The following CYSLTR1 variants were observed in gnomAD, a reference collection of about 807,000 sequenced individuals.
The protein encoded by CYSLTR1 is cysteinyl leukotriene receptor 1, also known as G-protein coupled receptor HG55.
A neutral mutation model predicts 2.1 loss-of-function variants in CYSLTR1; 1 was observed. That is an observed-to-expected ratio of 0.48 (90% CI 0.17 to 2.28). The LOEUF is 2.28. CYSLTR1 is among the 30% of genes most tolerant of loss of function. The pLI is 0.26. For missense variants in CYSLTR1, 299 were observed against 250.1 expected, an observed-to-expected ratio of 1.20 and a Z score of -1.32; for synonymous variants, 110 against 89.6, an observed-to-expected ratio of 1.23 and a Z score of -1.28.
chrX:78,292,521 C>G (rs1399910121), intron 1 of CYSLTR1, among the ~76,000 whole-genome samples: 2 of 111,570 alleles, frequency 1.8e-5, no homozygotes, highest in African/African-American at 6.5e-5. Flanking sequence ...CCTGGATATC[C>G]TTGTTAACAT....
At chrX:78,313,090 A>G (rs766027157) in intron 1 of CYSLTR1, among the ~76,000 whole-genome samples, 1 of 112,496 alleles carries the variant, frequency 8.9e-6, no homozygotes, top group East Asian at 2.8e-4. Context: ...GACTGGTTAA[A>G]GAAAATGTGG....
chrX:78,275,572 G>A (rs1921548608), intron 2 of CYSLTR1, among the ~76,000 whole-genome samples: 1 of 99,334 alleles, frequency 1.0e-5, no homozygotes. Flanking sequence ...CACACACCGG[G>A]GCCTGTCATG....
chrX:78,298,195 CTGT>C (rs970880666), intron 1 of CYSLTR1, among the ~76,000 whole-genome samples: 4 of 111,204 alleles, frequency 3.6e-5, no homozygotes, highest in Admixed American at 9.6e-5. Flanking sequence ...AAAATTCCTC[CTGT>C]TATTAATGTC....
At chrX:78,285,571 G>A (rs1264971627) in intron 1 of CYSLTR1, among the ~76,000 whole-genome samples, 3 of 112,072 alleles carry the variant, frequency 2.7e-5, no homozygotes, top group Non-Finnish European at 5.6e-5. Context: ...GAAAGTTTAT[G>A]AATTTCTAAG....
intron 2 of CYSLTR1, among the ~76,000 whole-genome samples, chrX:78,282,371 A>G (rs950429423): frequency 8.9e-6 from 1 of 112,424 alleles, no homozygotes; most frequent in Admixed American, 9.5e-5. Context: ...GGCCTAGCAC[A>G]TATGTATCTT....
At chrX:78,320,198 G>A (rs1923586214) in intron 1 of CYSLTR1, 1 of 111,981 alleles carries the variant, frequency 8.9e-6, no homozygotes, top group Non-Finnish European at 1.9e-5. Context: ...CCTATGTCCT[G>A]AATGGTATTG....
At chrX:78,276,339 T>C (rs943847232) in intron 2 of CYSLTR1, among the ~76,000 whole-genome samples, 3 of 111,617 alleles carry the variant, frequency 2.7e-5, no homozygotes, top group African/African-American at 6.5e-5. Flanking sequence ...ATGTAACATA[T>C]CAGATAATCT....
Position 78,273,194 on chromosome X carries a change from G to C in CYSLTR1, c.553C>G (p.His185Asp), listed in dbSNP as rs893499511. Residue 185 changes from histidine to aspartate, a missense_variant, in exon 3 of 3, where the codon CAT (histidine) becomes GAT (aspartate). Transcript: ENST00000373304. ...EPPQDNQTKN[H>D]VLVLHYVSLF... Reference sequence around the variant, plus strand: ...GACACATAATGCAAGACCAAAACATGATTTTTAGTTTGATTGTCTTGTGGG... The same window carrying C: ...GACACATAATGCAAGACCAAAACATCATTTTTAGTTTGATTGTCTTGTGGG... 2 of 1,210,543 alleles carry C rather than the reference G, an allele frequency of 1.7e-6. No homozygotes were observed. The highest frequency in any genetic ancestry group is 2.2e-5 in the Admixed American group (1 of 45,828).
At chrX:78,274,867 C>T (rs1477419706) in intron 2 of CYSLTR1, among the ~76,000 whole-genome samples, 22 of 111,346 alleles carry the variant, frequency 2.0e-4, no homozygotes, top group Middle Eastern at 4.6e-3. Context: ...ACAATGAACT[C>T]AAACAAATGT....
intron 1 of CYSLTR1, among the ~76,000 whole-genome samples, chrX:78,285,584 C>A (rs928612980): frequency 1.8e-5 from 2 of 111,783 alleles, no homozygotes; most frequent in Admixed American, 9.5e-5. Flanking sequence ...TTTCTAAGAC[C>A]CACCTATGAG....
At position 78,273,112 on chromosome X, in the gene CYSLTR1, A is replaced by G. The variant is rs775364230; in HGVS notation, c.635T>C (p.Ile212Thr). The G allele has an allele frequency of 5.8e-6, 7 of 1,209,136 alleles. No homozygotes were observed. Among genetic ancestry groups the G allele is most frequent in the Non-Finnish European group, 7.8e-6 (7 of 893,873 alleles). ...FVIIIVCYTM[I>T]ILTLLKKSMK... is the part of the protein sequence containing the mutation. Reference sequence around the variant, plus strand: ...TGATTTTTTTAGTAAGGTCAAAATGATCATTGTGTAACAGACAATTATAAT... The same window carrying G: ...TGATTTTTTTAGTAAGGTCAAAATGGTCATTGTGTAACAGACAATTATAAT... Residue 212 changes from isoleucine to threonine, a missense_variant, in exon 3 of 3, where the codon ATC becomes ACC. Physicochemically the swap from Ile to Thr is moderately conservative, Grantham distance 89. Coordinates refer to ENST00000373304, the MANE Select transcript of CYSLTR1 (RefSeq NM_006639.4).
chrX:78,311,118 C>T (rs1267901945), intron 1 of CYSLTR1, among the ~76,000 whole-genome samples: 2 of 110,213 alleles, frequency 1.8e-5, no homozygotes, highest in Non-Finnish European at 3.8e-5. Flanking sequence ...GTTGCCCATC[C>T]CTGAGAGGTT....
At position 78,286,066 on chromosome X, in the gene CYSLTR1, A is replaced by C. The variant is rs1402010225; in HGVS notation, c.-114-2526T>G. ...AGCCCCTATTCTTATAAGGAAGAGG[A>C]TACTTTTTCTGCATCAGCCCTTAGC... On this transcript the variant is annotated intron_variant, in intron 1 of 2. Transcript: ENST00000373304. 7.1e-5 allele frequency among the ~76,000 whole-genome samples: 8 copies of C among 112,041 alleles called. No homozygotes were observed. In the East Asian group the frequency reaches 2.2e-3, roughly 31 times the overall value.
At chrX:78,295,550 C>T (rs1049251898) in intron 1 of CYSLTR1, among the ~76,000 whole-genome samples, 1 of 111,181 alleles carries the variant, frequency 9.0e-6, no homozygotes, top group African/African-American at 3.3e-5. Context: ...TTCTCACCAG[C>T]ATTTGTTACT....
chrX:78,274,203 A>G (rs1448661103), intron 2 of CYSLTR1, among the ~76,000 whole-genome samples: 1 of 111,629 alleles, frequency 9.0e-6, no homozygotes, highest in Non-Finnish European at 1.9e-5. Context: ...ATTGTTTTAG[A>G]TAATAAAATC....
intron 1 of CYSLTR1, among the ~76,000 whole-genome samples, chrX:78,293,895 G>T (rs1269029680): frequency 9.0e-6 from 1 of 111,176 alleles, no homozygotes. Flanking sequence ...CTTTTTTCAA[G>T]GTTTTTAGCT....
intron 1 of CYSLTR1, among the ~76,000 whole-genome samples, chrX:78,290,664 T>C (rs1922283152): frequency 9.0e-6 from 1 of 111,724 alleles, no homozygotes; most frequent in African/African-American, 3.3e-5. Context: ...CTTGAAGAGG[T>C]CCTTCACATC....
chrX:78,273,549 T>G lies in CYSLTR1; in HGVS notation c.198A>C (p.Ala66=). The change falls in exon 3 of 3, where the codon GCA becomes GCC. Residue 66 remains alanine (A), a synonymous_variant. Transcript: ENST00000373304. ...SAFQVYMINL[A]VADLLCVCTL... is the part of the protein sequence containing the mutation. ...TGCACACACAAAGTAGATCTGCTAC[T>G]GCTAAATTAATCATGTATACTTGGA... The G allele has an allele frequency of 8.3e-7, 1 of 1,211,789 alleles. No homozygotes were observed. Among genetic ancestry groups the G allele is most frequent in the Non-Finnish European group, 1.1e-6 (1 of 895,507 alleles).
chrX:78,307,921 G>C (rs765429570), intron 1 of CYSLTR1, among the ~76,000 whole-genome samples: 1 of 111,502 alleles, frequency 9.0e-6, no homozygotes, highest in Non-Finnish European at 1.9e-5. Context: ...CAAACAAAAA[G>C]AGTTTATCAG....
Sources: allele counts gnomAD v4.1 joint callset (sites outside exome capture counted in the v4.1 genomes callset), GRCh38; gene constraint gnomAD v4.1.1; transcripts MANE v1.5; gene names NCBI Gene and HGNC (gene_info 2026-07-23, HGNC 2026-07-21).